Variants in UBE2W observed in about 807,000 individuals in gnomAD.
The protein encoded by UBE2W is ubiquitin conjugating enzyme E2 W, also known as ubiquitin-conjugating enzyme E2 W.
In UBE2W, 18 loss-of-function variants were observed where a neutral mutation model predicts 27.2. That is an observed-to-expected ratio of 0.66 (90% CI 0.46 to 0.98). The LOEUF is 0.98. UBE2W is among the 50% of genes least tolerant of loss of function. The pLI, the probability that UBE2W is intolerant of heterozygous loss-of-function variation, is 0.00. For missense variants in UBE2W, 90 were observed against 180.2 expected (o/e 0.50, Z 2.87); for synonymous variants, 53 against 57.2 (o/e 0.93, Z 0.33).
chr8:73,844,260 T>C (rs1348092222), intron 1 of UBE2W, among the ~76,000 whole-genome samples: 2 of 149,528 alleles, frequency 1.3e-5, no homozygotes, highest in Admixed American at 6.6e-5. Flanking sequence ...CTGATTCTCC[T>C]GCCTCAGCCT....
At chr8:73,813,892 C>T (rs376668541) in intron 3 of UBE2W, among the ~76,000 whole-genome samples, 393 of 152,072 alleles carry the variant, frequency 2.6e-3, no homozygotes, top group African/African-American at 8.6e-3. Flanking sequence ...CCACCACACC[C>T]AGCTAATTTT....
At chr8:73,817,238 G>C (rs1809430228) in intron 3 of UBE2W, among the ~76,000 whole-genome samples, 1 of 152,104 alleles carries the variant, frequency 6.6e-6, no homozygotes, top group South Asian at 2.1e-4. Context: ...TGAGGCAGGA[G>C]AATCACTTGA....
chr8:73,788,667 A>T lies in UBE2W; in HGVS notation c.*5435T>A. ...TATTAAATCTTTCCATACACCAGAA[A>T]ATCTGACAAGTGATGTCATTTTGAA... On this transcript the variant is annotated 3_prime_UTR_variant, in exon 6 of 6. Transcript: ENST00000602593. 1 of 985,434 alleles carries T rather than the reference A, an allele frequency of 1.0e-6. No homozygotes were observed. Among genetic ancestry groups the T allele is most frequent in the Non-Finnish European group, 1.2e-6 (1 of 829,942 alleles). The allele number at this position is 985,434 out of a possible 1,614,324, so 61.0% of individuals were successfully genotyped here.
chr8:73,835,259 CCTTAGA>C (rs1310850116), intron 1 of UBE2W, among the ~76,000 whole-genome samples: 1 of 152,012 alleles, frequency 6.6e-6, no homozygotes, highest in Non-Finnish European at 1.5e-5. Flanking sequence ...TTCTCCTTAC[CCTTAGA>C]CTTCTTTCAT....
chr8:73,874,111 T>C (rs1473940622), intron 1 of UBE2W, among the ~76,000 whole-genome samples: 1 of 152,086 alleles, frequency 6.6e-6, no homozygotes, highest in African/African-American at 2.4e-5. Context: ...CATTAAATAA[T>C]ACATAGGAAA....
rs77406340 is a variant in UBE2W, at chr8:73,790,501, C to T, written c.*3601G>A. 1.1e-3 allele frequency: 1,059 copies of T among 984,058 alleles called. 21 individuals carry two copies. In the East Asian group the frequency reaches 0.051, roughly 47 times the overall value. 61.0% of individuals were successfully genotyped at this position (984,058 alleles called of 1,614,324 possible). A position where few individuals can be genotyped will look rare whatever the true frequency, so the allele number is the denominator to read the frequency against. On this transcript the variant is annotated 3_prime_UTR_variant, in exon 6 of 6. Coordinates refer to ENST00000602593, the MANE Select transcript of UBE2W (RefSeq NM_018299.6). ...TTCTTTTTGAAAAGCAATTTACATA[C>T]ACAATTACAAATAATTGTAAATTTT...
At chr8:73,844,881 G>A (rs1308213684) in intron 1 of UBE2W, among the ~76,000 whole-genome samples, 13 of 150,478 alleles carry the variant, frequency 8.6e-5, no homozygotes, top group South Asian at 2.1e-4. Flanking sequence ...GGGCCACCCC[G>A]TCTGAGAAGT....
chr8:73,822,327 C>A (rs1049359397), intron 3 of UBE2W, among the ~76,000 whole-genome samples: 8 of 152,036 alleles, frequency 5.3e-5, no homozygotes, highest in South Asian at 4.1e-4. Context: ...AATCCCTAAG[C>A]CTAGCTGGGA....
At chr8:73,836,894 T>G (rs1296212723) in intron 1 of UBE2W, among the ~76,000 whole-genome samples, 2 of 152,126 alleles carry the variant, frequency 1.3e-5, no homozygotes, top group African/African-American at 2.4e-5. Context: ...GGAAAATAAC[T>G]GCAGAATGTT....
rs1808278764 is a variant in UBE2W, at chr8:73,793,278, T to C, written c.*824A>G. On this transcript the variant is annotated 3_prime_UTR_variant, in exon 6 of 6. Transcript: ENST00000602593. ...CAAATAACAAGCCCAAATTATGGAC[T>C]GCAGCAATTTAATCATCACTGCCAT... is the stretch of plus-strand genomic sequence containing the variant. 2.2e-5 allele frequency: 22 copies of C among 985,750 alleles called. No homozygotes were observed. In the South Asian group the frequency reaches 9.4e-4, roughly 42 times the overall value. The allele number at this position is 985,750 out of a possible 1,614,324, so 61.1% of individuals were successfully genotyped here.
intron 3 of UBE2W, among the ~76,000 whole-genome samples, chr8:73,816,453 C>G (rs986308933): frequency 1.3e-5 from 2 of 152,086 alleles, no homozygotes; most frequent in Non-Finnish European, 2.9e-5. Context: ...GAGGACATCA[C>G]GAACATAGGT....
intron 5 of UBE2W, among the ~76,000 whole-genome samples, chr8:73,804,679 C>T (rs1295653083): frequency 6.6e-6 from 1 of 151,828 alleles, no homozygotes; most frequent in Non-Finnish European, 1.5e-5. Context: ...ACAAACAAGG[C>T]ATCAAAACTT....
chr8:73,790,354 G>C lies in UBE2W; in HGVS notation c.*3748C>G, dbSNP rs948523890. 5 of 985,238 alleles carry C rather than the reference G, an allele frequency of 5.1e-6. No homozygotes were observed. The highest frequency in any genetic ancestry group is 6.0e-6 in the Non-Finnish European group (5 of 829,940). The allele number at this position is 985,238 out of a possible 1,614,324, so 61.0% of individuals were successfully genotyped here. A position where few individuals can be genotyped will look rare whatever the true frequency, so the allele number is the denominator to read the frequency against. On this transcript the variant is annotated 3_prime_UTR_variant, in exon 6 of 6. Coordinates refer to ENST00000602593, the MANE Select transcript of UBE2W (RefSeq NM_018299.6). Reference sequence around the variant, plus strand: ...TGGGGCCAGTTGGTGCAGATTAAAAGACACCTTCTTCACAGACCTCAATCA... The same window carrying C: ...TGGGGCCAGTTGGTGCAGATTAAAACACACCTTCTTCACAGACCTCAATCA...
chr8:73,875,103 T>C (rs1022653521), intron 1 of UBE2W, among the ~76,000 whole-genome samples: 2 of 152,228 alleles, frequency 1.3e-5, no homozygotes, highest in African/African-American at 4.8e-5. Flanking sequence ...ACATTACTTT[T>C]TTCTAGGAAG....
chr8:73,877,527 C>A (rs924104762), intron 1 of UBE2W, among the ~76,000 whole-genome samples: 1 of 150,944 alleles, frequency 6.6e-6, no homozygotes, highest in African/African-American at 2.4e-5. Flanking sequence ...TATATTTGTA[C>A]AAAAGAGGAA....
At chr8:73,833,920 G>A (rs1810198651) in intron 1 of UBE2W, 1 of 152,130 alleles carries the variant, frequency 6.6e-6, no homozygotes, top group South Asian at 2.1e-4. Context: ...TCGCTCCCGA[G>A]AGGTCACCAT....
At chr8:73,878,777 G>C in intron 1 of UBE2W, 31 bp downstream of exon 1, 1 of 1,533,792 alleles carries the variant, frequency 6.5e-7, no homozygotes, top group Non-Finnish European at 8.8e-7. Context: ...GCGGCTCCCT[G>C]GCCCGCCCAG....
chr8:73,865,868 T>A (rs1337628867), intron 1 of UBE2W, among the ~76,000 whole-genome samples: 1 of 152,112 alleles, frequency 6.6e-6, no homozygotes, highest in African/African-American at 2.4e-5. Context: ...AAAGGCAAGG[T>A]GGTTATACTA....
At chr8:73,828,621 A>G (rs986230043) in intron 2 of UBE2W, among the ~76,000 whole-genome samples, 1 of 152,172 alleles carries the variant, frequency 6.6e-6, no homozygotes, top group Non-Finnish European at 1.5e-5. Flanking sequence ...AATTTCTTCC[A>G]GAAAATTAAA....
Sources: allele counts gnomAD v4.1 joint callset (sites outside exome capture counted in the v4.1 genomes callset), GRCh38; gene constraint gnomAD v4.1.1; transcripts MANE v1.5; gene names NCBI Gene and HGNC (gene_info 2026-07-23, HGNC 2026-07-21).